The following OLFM3 variants were observed in gnomAD, a reference collection of about 807,000 sequenced individuals.
OLFM3 encodes the protein olfactomedin 3.
In OLFM3, 20 loss-of-function variants were observed where a neutral mutation model predicts 48.6. The ratio of observed to expected loss-of-function variants is 0.41; its 90% confidence interval spans 0.29 to 0.60. The LOEUF (loss-of-function observed/expected upper bound fraction) is 0.60. OLFM3 is among the 20% of genes least tolerant of loss of function. OLFM3 has a pLI of 0.28. For synonymous variants in OLFM3, 222 were observed against 198.1 expected (o/e 1.12, Z -1.01); for missense variants, 437 against 544.3 (o/e 0.80, Z 1.96).
At chr1:101,868,779 G>A (rs1291966111) in intron 1 of OLFM3, among the ~76,000 whole-genome samples, 2 of 152,214 alleles carry the variant, frequency 1.3e-5, no homozygotes, top group African/African-American at 4.8e-5. Flanking sequence ...TTCCCCTTCT[G>A]TATGCAGCCT....
chr1:101,917,484 C>G (rs1387291545), intron 1 of OLFM3, among the ~76,000 whole-genome samples: 1 of 137,222 alleles, frequency 7.3e-6, no homozygotes. Flanking sequence ...TGGTGGCATC[C>G]CTGCTCACTG....
chr1:101,883,933 T>C (rs970141120), intron 1 of OLFM3, among the ~76,000 whole-genome samples: 1 of 151,682 alleles, frequency 6.6e-6, no homozygotes, highest in African/African-American at 2.4e-5. Context: ...AAAAACTTAC[T>C]ATCTTTTTTT....
intron 1 of OLFM3, among the ~76,000 whole-genome samples, chr1:101,916,513 T>C (rs1570628036): frequency 6.6e-6 from 1 of 152,276 alleles, no homozygotes; most frequent in East Asian, 1.9e-4. Flanking sequence ...AATTTTCAAT[T>C]TTTGTGATTG....
chr1:101,910,470 G>GA (rs5776606), intron 1 of OLFM3, among the ~76,000 whole-genome samples: 3,303 of 122,950 alleles, frequency 0.027, 129 homozygotes, highest in African/African-American at 0.088. Flanking sequence ...CGTCTCAACT[G>GA]AAAAAAAAAA....
chr1:101,912,557 A>G (rs1658795494), intron 1 of OLFM3, among the ~76,000 whole-genome samples: 1 of 152,218 alleles, frequency 6.6e-6, no homozygotes, highest in Non-Finnish European at 1.5e-5. Flanking sequence ...ATGAGGTTTG[A>G]ACTACACTTA....
At chr1:101,806,325 C>T in intron 4 of OLFM3, 143 bp from the exon 5 acceptor site, 1 of 652,146 alleles carries the variant, frequency 1.5e-6, no homozygotes, top group Non-Finnish European at 2.7e-6. Flanking sequence ...AATGATTATT[C>T]ACAATGGGTG....
intron 1 of OLFM3, among the ~76,000 whole-genome samples, chr1:101,887,237 A>G (rs1657798913): frequency 6.6e-6 from 1 of 151,916 alleles, no homozygotes; most frequent in Non-Finnish European, 1.5e-5. Context: ...GGAAAAAAAA[A>G]CTTTATTGTG....
rs576440524 is a variant in OLFM3, at chr1:101,974,770, A to C, written c.69+21978T>G. Among the ~76,000 whole-genome samples, 3 of 152,146 alleles carry C rather than the reference A, an allele frequency of 2.0e-5. No homozygotes were observed. In the South Asian group the frequency reaches 6.2e-4, roughly 32 times the overall value. ...AGATAGTTTTGACATTTGCTTATCT[A>C]CTTTTTTGTTTGGTCCTGGGTTCAC... On this transcript the variant is annotated intron_variant, in intron 1 of 5. Transcript: ENST00000370103.
At chr1:101,995,301 G>A (rs1181039425) in intron 1 of OLFM3, among the ~76,000 whole-genome samples, 1 of 151,990 alleles carries the variant, frequency 6.6e-6, no homozygotes, top group African/African-American at 2.4e-5. Context: ...TAAAAAGAGT[G>A]GCAGTGGATA....
intron 1 of OLFM3, among the ~76,000 whole-genome samples, chr1:101,991,893 A>T (rs1231044639): frequency 6.6e-6 from 1 of 152,000 alleles, no homozygotes; most frequent in Non-Finnish European, 1.5e-5. Context: ...GCATGATACT[A>T]TCCAAGGAAG....
intron 1 of OLFM3, among the ~76,000 whole-genome samples, chr1:101,857,417 G>A (rs750562784): frequency 1.3e-5 from 2 of 151,872 alleles, no homozygotes; most frequent in East Asian, 3.9e-4. Flanking sequence ...CACATAATGA[G>A]TCATAATGTA....
At chr1:101,820,889 C>T (rs1654578581) in intron 4 of OLFM3, among the ~76,000 whole-genome samples, 1 of 152,012 alleles carries the variant, frequency 6.6e-6, no homozygotes. Context: ...TACTAATTGG[C>T]TGTGTGGGTT....
intron 1 of OLFM3, among the ~76,000 whole-genome samples, chr1:101,971,835 T>C (rs2101097255): frequency 6.6e-6 from 1 of 152,210 alleles, no homozygotes; most frequent in East Asian, 1.9e-4. Context: ...AATCTTTTTT[T>C]GTTTGTAGTT....
intron 1 of OLFM3, among the ~76,000 whole-genome samples, chr1:101,911,622 A>G (rs1411836894): frequency 6.6e-6 from 1 of 152,202 alleles, no homozygotes; most frequent in Non-Finnish European, 1.5e-5. Context: ...AAAGACAACA[A>G]ATACCAGTTG....
At chr1:101,849,984 G>C (rs534277359) in intron 1 of OLFM3, among the ~76,000 whole-genome samples, 1 of 152,234 alleles carries the variant, frequency 6.6e-6, no homozygotes, top group South Asian at 2.1e-4. Flanking sequence ...ATTTCCCTAG[G>C]CTGCAACAAC....
At chr1:101,940,702 A>T (rs562339279) in intron 1 of OLFM3, among the ~76,000 whole-genome samples, 5 of 149,286 alleles carry the variant, frequency 3.3e-5, no homozygotes, top group Admixed American at 2.7e-4. Context: ...ATCCAGTTTT[A>T]TATATATATA....
chr1:101,890,949 C>T (rs1279461778), intron 1 of OLFM3, among the ~76,000 whole-genome samples: 4 of 152,002 alleles, frequency 2.6e-5, no homozygotes, highest in East Asian at 3.9e-4. Flanking sequence ...TCCACTTTTC[C>T]GCAGAGACCA....
At chr1:101,848,153 T>A (rs886762035) in intron 1 of OLFM3, among the ~76,000 whole-genome samples, 3 of 152,102 alleles carry the variant, frequency 2.0e-5, no homozygotes, top group Non-Finnish European at 2.9e-5. Context: ...AAATCAGAGG[T>A]CTTTGTCTTA....
chr1:101,828,066 GTCTC>G (rs200924384), intron 3 of OLFM3, among the ~76,000 whole-genome samples: 2 of 141,898 alleles, frequency 1.4e-5, no homozygotes, highest in African/African-American at 5.3e-5. Context: ...CTCTCTCTCT[GTCTC>G]TCTCTCTCTC....
Sources: allele counts gnomAD v4.1 joint callset (sites outside exome capture counted in the v4.1 genomes callset), GRCh38; gene constraint gnomAD v4.1.1; transcripts MANE v1.5; gene names NCBI Gene and HGNC (gene_info 2026-07-23, HGNC 2026-07-21).